TMC1: variants seen among roughly 807,000 people sequenced by gnomAD.
The protein encoded by TMC1 is transmembrane channel like 1.
A neutral mutation model predicts 105.8 loss-of-function variants in TMC1; 84 were observed. That is an observed-to-expected ratio of 0.79 (90% CI 0.67 to 0.95). TMC1 has a LOEUF of 0.95. Among genes scored for constraint, TMC1 ranks in the 40% least tolerant of loss-of-function variants. The pLI, the probability that TMC1 is intolerant of heterozygous loss-of-function variation, is 0.00. For synonymous variants in TMC1, 315 were observed against 311.5 expected (o/e 1.01, Z -0.12); for missense variants, 817 against 914.1 (o/e 0.89, Z 1.37).
chr9:72,549,179 C>T (rs999980890), intron 1 of TMC1, among the ~76,000 whole-genome samples: 1 of 152,224 alleles, frequency 6.6e-6, no homozygotes, highest in East Asian at 1.9e-4. Context: ...TTATTGTACA[C>T]TCATGTATTC....
chr9:72,612,877 A>G (rs1156534592), intron 2 of TMC1, among the ~76,000 whole-genome samples: 3 of 152,144 alleles, frequency 2.0e-5, no homozygotes, highest in Non-Finnish European at 4.4e-5. Flanking sequence ...AATGCACAAG[A>G]CAGCCCCCAC....
At chr9:72,799,755 CAG>C in intron 17 of TMC1, among the ~76,000 whole-genome samples, 2 of 152,230 alleles carry the variant, frequency 1.3e-5, no homozygotes, top group South Asian at 4.1e-4. Context: ...CCCTCTATAA[CAG>C]TACACATTCT....
intron 5 of TMC1, among the ~76,000 whole-genome samples, chr9:72,671,390 C>T (rs1477160449): frequency 2.0e-5 from 3 of 152,174 alleles, no homozygotes; most frequent in Non-Finnish European, 4.4e-5. Context: ...CTGCAGTTTT[C>T]TCAAATTCAT....
At chr9:72,758,717 A>T (rs1393818643) in intron 12 of TMC1, among the ~76,000 whole-genome samples, 10 of 152,336 alleles carry the variant, frequency 6.6e-5, no homozygotes, top group African/African-American at 2.4e-4. Context: ...AGCCAAGCTC[A>T]AGGACCTGTA....
chr9:72,636,087 A>G (rs561903826), intron 4 of TMC1, among the ~76,000 whole-genome samples: 78 of 152,218 alleles, frequency 5.1e-4, no homozygotes, highest in Non-Finnish European at 9.1e-4. Context: ...TGCCTCTCCA[A>G]TCGACAGAAT....
intron 4 of TMC1, among the ~76,000 whole-genome samples, chr9:72,631,222 AT>A (rs1485998033): frequency 2.0e-5 from 3 of 152,228 alleles, no homozygotes; most frequent in Non-Finnish European, 4.4e-5. Context: ...AAAAGTAAAA[AT>A]TTGTAATTTA....
chr9:72,580,237 G>T (rs988703318), intron 2 of TMC1, among the ~76,000 whole-genome samples: 6 of 152,128 alleles, frequency 3.9e-5, no homozygotes, highest in Non-Finnish European at 1.5e-5. Flanking sequence ...AGAAGCATGG[G>T]GAACTATATC....
chr9:72,808,637 C>T (rs1238765029), intron 18 of TMC1, among the ~76,000 whole-genome samples: 1 of 152,180 alleles, frequency 6.6e-6, no homozygotes, highest in Non-Finnish European at 1.5e-5. Context: ...GAATGTTGAA[C>T]CTTCTCATTT....
chr9:72,731,345 G>A (rs919015519), intron 8 of TMC1, among the ~76,000 whole-genome samples: 9 of 152,204 alleles, frequency 5.9e-5, no homozygotes, highest in African/African-American at 1.9e-4. Flanking sequence ...ACTACCTAGG[G>A]GGTGGAGGAG....
intron 15 of TMC1, 76 bp from the exon 16 acceptor site, chr9:72,791,809 TC>T (rs1828271650): frequency 2.4e-6 from 3 of 1,263,874 alleles, no homozygotes; most frequent in Non-Finnish European, 3.4e-6. Context: ...TAGCTCAGAA[TC>T]TTCCAAAATT....
chr9:72,644,755 A>T (rs748357834), intron 4 of TMC1, among the ~76,000 whole-genome samples: 1 of 152,340 alleles, frequency 6.6e-6, no homozygotes. Flanking sequence ...CAAAAAGTAC[A>T]TGGAAAATGT....
At chr9:72,569,676 A>C (rs572393978) in intron 1 of TMC1, among the ~76,000 whole-genome samples, 2 of 152,328 alleles carry the variant, frequency 1.3e-5, no homozygotes, top group African/African-American at 4.8e-5. Context: ...TACAGTGTGC[A>C]TGGAGAGAGG....
chr9:72,574,072 T>C (rs1000816454), intron 1 of TMC1, among the ~76,000 whole-genome samples: 9 of 152,232 alleles, frequency 5.9e-5, no homozygotes, highest in South Asian at 2.1e-4. Context: ...GTTAGTTTGC[T>C]GATGATAATA....
chr9:72,675,861 A>T (rs570137098), intron 5 of TMC1, among the ~76,000 whole-genome samples: 1 of 152,182 alleles, frequency 6.6e-6, no homozygotes, highest in African/African-American at 2.4e-5. Flanking sequence ...AAGGAAAGGA[A>T]TTCTGAAGCT....
At chr9:72,585,673 T>G (rs1824543868) in intron 2 of TMC1, among the ~76,000 whole-genome samples, 2 of 152,172 alleles carry the variant, frequency 1.3e-5, no homozygotes, top group Admixed American at 1.3e-4. Context: ...GCGAGTATAA[T>G]GTACGGAGAC....
intron 8 of TMC1, among the ~76,000 whole-genome samples, chr9:72,724,199 A>G (rs947915303): frequency 6.6e-6 from 1 of 152,196 alleles, no homozygotes; most frequent in African/African-American, 2.4e-5. Context: ...ACTGGATAAT[A>G]TATAAAGAAA....
chr9:72,787,610 A>G (rs1828190267), intron 13 of TMC1, among the ~76,000 whole-genome samples: 2 of 151,992 alleles, frequency 1.3e-5, no homozygotes, highest in South Asian at 4.1e-4. Flanking sequence ...TAAACCTGTG[A>G]GTAAATGCAT....
At chr9:72,757,620 G>A (rs1827693869) in intron 12 of TMC1, among the ~76,000 whole-genome samples, 1 of 152,206 alleles carries the variant, frequency 6.6e-6, no homozygotes, top group South Asian at 2.1e-4. Context: ...TAGCCTGAAA[G>A]TGATTTTATC....
intron 5 of TMC1, among the ~76,000 whole-genome samples, chr9:72,651,809 A>G (rs140624275): frequency 1.3e-5 from 2 of 152,178 alleles, no homozygotes; most frequent in East Asian, 3.9e-4. Context: ...GTGTTTGGTT[A>G]CATGAATAAG....
Sources: gnomAD v4.1 joint callset for allele counts (sites outside exome capture counted in the v4.1 genomes callset) on GRCh38, gnomAD v4.1.1 for gene constraint, MANE v1.5 for transcripts, NCBI Gene and HGNC (gene_info 2026-07-23, HGNC 2026-07-21) for gene names.